The following KCNC2 variants were observed in gnomAD, a reference collection of about 807,000 sequenced individuals.
KCNC2 encodes voltage-gated potassium channel KCNC2.
KCNC2 carries 21 observed loss-of-function variants against 44.5 expected under a neutral mutation model. The observed-to-expected ratio is 0.47, with a 90% CI of 0.33 to 0.68. The LOEUF is 0.68. KCNC2 is among the 30% of genes least tolerant of loss of function. The pLI is 0.01. For missense variants in KCNC2, 589 were observed against 826.2 expected, an observed-to-expected ratio of 0.71 and a Z score of 3.52; for synonymous variants, 391 against 339.1, an observed-to-expected ratio of 1.15 and a Z score of -1.68.
At chr12:75,184,243 G>A (rs972761877) in intron 2 of KCNC2, among the ~76,000 whole-genome samples, 2 of 152,048 alleles carry the variant, frequency 1.3e-5, no homozygotes, top group South Asian at 2.1e-4. Context: ...AGAGTCTTCC[G>A]TTTTGTAGAA....
intron 2 of KCNC2, among the ~76,000 whole-genome samples, chr12:75,185,035 G>A (rs529244945): frequency 5.9e-5 from 9 of 152,210 alleles, no homozygotes; most frequent in South Asian, 2.1e-4. Flanking sequence ...GGAAGAAAAC[G>A]CAGAATGAAA....
intron 4 of KCNC2, 102 bp downstream of exon 4, chr12:75,048,051 T>C (rs1880729137): frequency 9.6e-7 from 1 of 1,038,132 alleles, no homozygotes. Flanking sequence ...CTGTACGCAG[T>C]CTTTCCTAGA....
chr12:75,078,183 G>A (rs1034639010), intron 2 of KCNC2, among the ~76,000 whole-genome samples: 2 of 152,104 alleles, frequency 1.3e-5, no homozygotes, highest in Non-Finnish European at 2.9e-5. Flanking sequence ...CTATAAATAA[G>A]TGCAAAGAGA....
chr12:75,043,544 T>A, intron 4 of KCNC2: 1 of 1,217,464 alleles, frequency 8.2e-7, no homozygotes, highest in Non-Finnish European at 1.0e-6. Flanking sequence ...CATTTAAAAA[T>A]TAGGCAAAGC....
chr12:75,138,850 G>T (rs376733043), intron 2 of KCNC2, among the ~76,000 whole-genome samples: 1 of 151,822 alleles, frequency 6.6e-6, no homozygotes, highest in African/African-American at 2.4e-5. Flanking sequence ...GCGTGGTGGC[G>T]GACGCCTGTA....
intron 2 of KCNC2, among the ~76,000 whole-genome samples, chr12:75,089,670 T>G (rs1885312367): frequency 6.6e-6 from 1 of 151,928 alleles, no homozygotes; most frequent in Admixed American, 6.6e-5. Context: ...TTTGATGGAA[T>G]TATTGCAAAT....
chr12:75,110,790 T>A lies in KCNC2; in HGVS notation c.688-59473A>T, dbSNP rs149767068. Among the ~76,000 whole-genome samples the A allele has an allele frequency of 1.4e-3, 209 of 152,150 alleles. 5 individuals are homozygous for A. In the East Asian group the frequency reaches 0.03, roughly 22 times the overall value. On this transcript the variant is annotated intron_variant, in intron 2 of 4. Transcript: ENST00000549446. The stretch of plus-strand genomic sequence containing the variant: ...ATACATATATATTAAAGTTATAAAG[T>A]TGTAAAGCAAAAAAGAAGATAAATA...
intron 2 of KCNC2, among the ~76,000 whole-genome samples, chr12:75,131,910 C>T (rs1888874793): frequency 6.6e-6 from 1 of 152,150 alleles, no homozygotes; most frequent in Non-Finnish European, 1.5e-5. Flanking sequence ...TTTGCGTGGA[C>T]TTCTGCCCCA....
At chr12:75,163,635 C>T (rs914590426) in intron 2 of KCNC2, among the ~76,000 whole-genome samples, 4 of 151,722 alleles carry the variant, frequency 2.6e-5, no homozygotes, top group Non-Finnish European at 5.9e-5. Context: ...TACTTACGCA[C>T]GCCAATCATT....
At chr12:75,193,663 A>T (rs2030507315) in intron 2 of KCNC2, among the ~76,000 whole-genome samples, 1 of 152,192 alleles carries the variant, frequency 6.6e-6, no homozygotes, top group South Asian at 2.1e-4. Context: ...AAGAAAAAGG[A>T]AAGGTAACCC....
intron 2 of KCNC2, among the ~76,000 whole-genome samples, chr12:75,078,460 G>A (rs1350516): frequency 0.039 from 5,913 of 152,222 alleles, 361 homozygotes; most frequent in African/African-American, 0.13. Flanking sequence ...AATAAAGAAA[G>A]AGTTGTTGAA....
chr12:75,091,060 T>C (rs921373972), intron 2 of KCNC2, among the ~76,000 whole-genome samples: 2 of 151,694 alleles, frequency 1.3e-5, no homozygotes, highest in Non-Finnish European at 3.0e-5. Context: ...TGTTTTAATA[T>C]GATTTCTGAT....
chr12:75,191,538 T>TA (rs2030248349), intron 2 of KCNC2, among the ~76,000 whole-genome samples: 6 of 38,198 alleles, frequency 1.6e-4, no homozygotes, highest in Admixed American at 2.1e-4. Context: ...TTTTTTTTTT[T>TA]TTTTTTTTTT....
chr12:75,059,294 T>C lies in KCNC2; in HGVS notation c.688-7977A>G, dbSNP rs187399067. Among the ~76,000 whole-genome samples, 235 of 152,260 alleles carry C rather than the reference T, an allele frequency of 1.5e-3. 1 individual carries two copies. The highest frequency in any genetic ancestry group is 5.3e-3 in the African/African-American group (221 of 41,576). On this transcript the variant is annotated intron_variant, in intron 2 of 4. Transcript: ENST00000549446. ...CACATCATGGTCTAGGGACTCCTAG[T>C]AGCCATGAGGCCTTTTCTGGGGTCC...
intron 2 of KCNC2, among the ~76,000 whole-genome samples, chr12:75,053,391 G>T (rs1881398579): frequency 6.7e-6 from 1 of 149,946 alleles, no homozygotes; most frequent in Admixed American, 6.6e-5. Context: ...ATGTGTGTGT[G>T]CGTGTGTGTT....
At chr12:75,069,424 C>G (rs953175934) in intron 2 of KCNC2, among the ~76,000 whole-genome samples, 3 of 152,028 alleles carry the variant, frequency 2.0e-5, no homozygotes, top group African/African-American at 7.2e-5. Context: ...GTGTGATCCA[C>G]CGTGCTCGGC....
chr12:75,041,619 A>ACTTT lies in KCNC2; in HGVS notation c.*1482_*1485dup, dbSNP rs1491171980. ...TGAATTCATAGGAATGCATAAATAG[A>ACTTT]CTTTCTTCCACTCAGACTGAATATG... On this transcript the variant is annotated 3_prime_UTR_variant, in exon 5 of 5. Transcript: ENST00000549446. 15 of 1,022,874 alleles carry ACTTT rather than the reference A, an allele frequency of 1.5e-5. No individual in the cohort carries two copies. The highest frequency in any genetic ancestry group is 1.8e-5 in the Non-Finnish European group (15 of 851,492). The allele number at this position is 1,022,874 out of a possible 1,614,324, so 63.4% of individuals were successfully genotyped here.
rs201534679 is a variant in KCNC2, at chr12:75,040,483, A to G, written c.*2622T>C. The G allele has an allele frequency of 6.6e-6, 1 of 152,670 alleles. No homozygotes were observed. Among genetic ancestry groups the G allele is most frequent in the Non-Finnish European group, 1.5e-5 (1 of 68,100 alleles). 9.5% of individuals were successfully genotyped at this position (152,670 alleles called of 1,614,324 possible). Reference sequence around the variant, plus strand: ...ACTGACATTGCTCCTTGATCATTGAATAAAAAAATACTCTCATTGCCAGAA... The same window carrying G: ...ACTGACATTGCTCCTTGATCATTGAGTAAAAAAATACTCTCATTGCCAGAA... On this transcript the variant is annotated 3_prime_UTR_variant, in exon 5 of 5. Transcript: ENST00000549446.
intron 2 of KCNC2, among the ~76,000 whole-genome samples, chr12:75,173,736 G>A (rs1005865677): frequency 6.6e-6 from 1 of 151,732 alleles, no homozygotes; most frequent in Admixed American, 6.6e-5. Context: ...TTCACAAAAT[G>A]CAAAAATAGA....
Sources: allele counts gnomAD v4.1 joint callset (sites outside exome capture counted in the v4.1 genomes callset), GRCh38; gene constraint gnomAD v4.1.1; transcripts MANE v1.5; gene names NCBI Gene and HGNC (gene_info 2026-07-23, HGNC 2026-07-21).